The following EML6 variants were observed in gnomAD, a reference collection of about 807,000 sequenced individuals.
EML6 encodes echinoderm microtubule-associated protein-like 6.
EML6 carries 154 observed loss-of-function variants against 240.1 expected under a neutral mutation model. The ratio of observed to expected loss-of-function variants is 0.64; its 90% CI spans 0.56 to 0.73. EML6 has a LOEUF of 0.73. Among genes scored for constraint, EML6 ranks in the 30% least tolerant of loss-of-function variants. EML6 has a pLI of 0.00. For missense variants in EML6, 2,964 were observed against 2,474.6 expected (o/e 1.20, Z -4.20); for synonymous variants, 1,148 against 899.0 (o/e 1.28, Z -4.95).
At chr2:54,907,679 G>A (rs1673393806) in intron 24 of EML6, among the ~76,000 whole-genome samples, 1 of 152,158 alleles carries the variant, frequency 6.6e-6, no homozygotes, top group African/African-American at 2.4e-5. Flanking sequence ...GGGCTGCAAA[G>A]CTCTATGGTA....
At chr2:54,923,905 C>G (rs1384196616) in intron 26 of EML6, among the ~76,000 whole-genome samples, 2 of 152,138 alleles carry the variant, frequency 1.3e-5, no homozygotes, top group African/African-American at 4.8e-5. Context: ...TTTTATCCAG[C>G]TTCTTTCACT....
intron 28 of EML6, among the ~76,000 whole-genome samples, chr2:54,939,717 G>A (rs1675328028): frequency 6.6e-6 from 1 of 152,188 alleles, no homozygotes; most frequent in Non-Finnish European, 1.5e-5. Flanking sequence ...AACAGCAGAG[G>A]CTAACAACTT....
At chr2:54,733,853 G>T (rs539025870) in intron 2 of EML6, among the ~76,000 whole-genome samples, 84 of 152,262 alleles carry the variant, frequency 5.5e-4, no homozygotes, top group African/African-American at 1.9e-3. Flanking sequence ...CCCCTTTAAA[G>T]AAGATTCCCC....
chr2:54,869,689 A>G (rs933246295), intron 15 of EML6, among the ~76,000 whole-genome samples: 2 of 151,590 alleles, frequency 1.3e-5, no homozygotes, highest in Admixed American at 1.3e-4. Context: ...AGTATATCCT[A>G]GGTACTCAAT....
chr2:54,869,238 C>G lies in EML6; in HGVS notation c.2109C>G (p.Val703=). The G allele has an allele frequency of 1.3e-6, 2 of 1,551,734 alleles. No homozygotes were observed. The highest frequency in any genetic ancestry group is 1.2e-5 in the South Asian group (1 of 84,042). Residue 703 remains valine, a synonymous_variant, in exon 15 of 42, where the codon GTC becomes GTG. Transcript: ENST00000356458. ...NLFYTQAGEV[V]YHIAAVAVVY... ...TCTACACACAAGCTGGAGAAGTAGT[C>G]TACCACATTGCTGCAGTTGCTGTCG...
At chr2:54,826,605 G>GC (rs1292698200) in intron 5 of EML6, among the ~76,000 whole-genome samples, 11 of 151,976 alleles carry the variant, frequency 7.2e-5, no homozygotes, top group South Asian at 2.1e-4. Flanking sequence ...GTCCCCACCT[G>GC]CCCCCCCAAA....
intron 26 of EML6, among the ~76,000 whole-genome samples, chr2:54,924,851 C>G (rs1278364818): frequency 6.6e-6 from 1 of 152,232 alleles, no homozygotes; most frequent in Non-Finnish European, 1.5e-5. Flanking sequence ...GCGTGAGCCA[C>G]TGCACCCAGC....
intron 2 of EML6, among the ~76,000 whole-genome samples, chr2:54,787,310 G>C (rs1322355054): frequency 1.3e-5 from 2 of 151,858 alleles, no homozygotes; most frequent in African/African-American, 2.4e-5. Flanking sequence ...GGGGGTCTTT[G>C]TGTGAACCCA....
intron 36 of EML6, among the ~76,000 whole-genome samples, chr2:54,963,594 C>T (rs914109532): frequency 6.6e-6 from 1 of 152,214 alleles, no homozygotes; most frequent in Non-Finnish European, 1.5e-5. Flanking sequence ...TGGCAATCTA[C>T]AGTTAAAGGC....
chr2:54,941,053 T>C (rs35363087), intron 28 of EML6, among the ~76,000 whole-genome samples: 4,663 of 152,338 alleles, frequency 0.031, 85 homozygotes, highest in East Asian at 0.049. Flanking sequence ...ATCCCAGTTT[T>C]CCTTCTAACC....
chr2:54,876,847 C>G (rs1573049060), intron 16 of EML6, among the ~76,000 whole-genome samples: 2 of 152,170 alleles, frequency 1.3e-5, no homozygotes, highest in African/African-American at 4.8e-5. Flanking sequence ...TGATAACATT[C>G]AAGATCTTCT....
chr2:54,968,423 C>T (rs1676844995), intron 40 of EML6, 142 bp downstream of exon 40: 2 of 866,912 alleles, frequency 2.3e-6, no homozygotes, highest in Non-Finnish European at 3.6e-6. Flanking sequence ...GAGTTTTTCA[C>T]CTCCTGGAGG....
Position 54,847,755 on chromosome 2 carries a change from A to G in EML6, c.1187+132A>G, listed in dbSNP as rs144147907. The stretch of plus-strand genomic sequence containing the variant: ...ATTCAAATAGGAATACTATAGATCT[A>G]CGATCCCCTATCTGTAATTCTGAAG... On this transcript the variant is annotated intron_variant, in intron 9 of 41. Transcript: ENST00000356458. The G allele has an allele frequency of 2.0e-5, 16 of 791,090 alleles. No homozygotes were observed. The East Asian group carries it at 7.6e-4, about 38-fold the overall frequency. 49.0% of individuals were successfully genotyped at this position (791,090 alleles called of 1,614,324 possible). A position where few individuals can be genotyped will look rare whatever the true frequency, so the allele number is the denominator to read the frequency against.
chr2:54,853,864 A>G lies in EML6; in HGVS notation c.1657+9A>G. 6.5e-7 allele frequency: 1 copy of G among 1,532,936 alleles called. No homozygotes were observed. The highest frequency in any genetic ancestry group is 2.5e-5 in the East Asian group (1 of 40,752). 95.0% of individuals were successfully genotyped at this position (1,532,936 alleles called of 1,614,324 possible). On this transcript the variant is annotated intron_variant, in intron 11 of 41. Coordinates refer to ENST00000356458, the MANE Select transcript of EML6 (RefSeq NM_001039753.4). Reference sequence around the variant, plus strand: ...TCCTTGTCTCAAGAGAGGTAAGGCCAAAAGAGATGTTTCATTGCATAAAGA... The same window carrying G: ...TCCTTGTCTCAAGAGAGGTAAGGCCGAAAGAGATGTTTCATTGCATAAAGA...
chr2:54,820,184 TCTCTACTCAGGCCTTA>T (rs1668267419), intron 4 of EML6, among the ~76,000 whole-genome samples, 194 bp from the exon 5 acceptor site: 1 of 152,188 alleles, frequency 6.6e-6, no homozygotes, highest in Non-Finnish European at 1.5e-5. Context: ...GTAAGTTCTC[TCTCTACTCAGGCCTTA>T]AGGTAAGTAG....
At chr2:54,888,941 G>A (rs1373342085) in intron 17 of EML6, among the ~76,000 whole-genome samples, 17 of 152,184 alleles carry the variant, frequency 1.1e-4, no homozygotes. Context: ...TTGCCAAACT[G>A]TCTTTCAAAA....
intron 24 of EML6, among the ~76,000 whole-genome samples, chr2:54,907,941 TAGATAAGATAGATAGA>T (rs1318064059): frequency 2.0e-3 from 52 of 26,096 alleles, no homozygotes; most frequent in Non-Finnish European, 4.2e-3. Flanking sequence ...GATAGATAGA[TAGATAAGATAGATAGA>T]TAGATAGATA....
chr2:54,804,751 T>C (rs1670377252), intron 2 of EML6, among the ~76,000 whole-genome samples: 1 of 152,254 alleles, frequency 6.6e-6, no homozygotes, highest in South Asian at 2.1e-4. Context: ...CAATCTACTT[T>C]TCAAAGGAAC....
chr2:54,901,660 A>C (rs1307371122), intron 22 of EML6, among the ~76,000 whole-genome samples: 1 of 152,188 alleles, frequency 6.6e-6, no homozygotes, highest in African/African-American at 2.4e-5. Flanking sequence ...GATGCTCTTC[A>C]AGGGCAGGCT....
Sources: gnomAD v4.1 joint callset for allele counts (sites outside exome capture counted in the v4.1 genomes callset) on GRCh38, gnomAD v4.1.1 for gene constraint, MANE v1.5 for transcripts, NCBI Gene and HGNC (gene_info 2026-07-23, HGNC 2026-07-21) for gene names.